Variants in PLAGL1 observed in about 807,000 individuals in gnomAD.
The protein encoded by PLAGL1 is zinc finger protein PLAGL1.
A neutral mutation model predicts 4.6 loss-of-function variants in PLAGL1; 1 was observed. The observed-to-expected ratio is 0.22, with a 90% confidence interval of 0.08 to 1.03. PLAGL1 has a LOEUF of 1.03. Among genes scored for constraint, PLAGL1 ranks in the 50% least tolerant of loss-of-function variants. PLAGL1 has a pLI of 0.58. For missense variants in PLAGL1, 464 were observed against 570.4 expected, an observed-to-expected ratio of 0.81 and a Z score of 1.90; for synonymous variants, 240 against 237.8, an observed-to-expected ratio of 1.01 and a Z score of -0.08.
rs1408327207 is a variant in PLAGL1 at position 144,048,014 on chromosome 6, G to A, written c.-151+16454C>T. 1.3e-5 allele frequency among the ~76,000 whole-genome samples: 2 copies of A among 152,204 alleles called. No homozygotes were observed. The highest frequency in any genetic ancestry group is 2.9e-5 in the Non-Finnish European group (2 of 68,026). ...ATAAATGCTCCCATTCCAAATGGGA[G>A]AAATTGGTCAAAACAAAAGGGCTAC... On this transcript the variant is annotated intron_variant, in intron 1 of 3. Transcript: ENST00000437412. This position sits in a 1 kb window ranked among gnomAD's most constrained non-coding sequence, Gnocchi z 4.8.
At chr6:144,035,512 G>T (rs1274090471) in intron 1 of PLAGL1, among the ~76,000 whole-genome samples, 1 of 152,210 alleles carries the variant, frequency 6.6e-6, no homozygotes, top group Non-Finnish European at 1.5e-5. Context: ...CTGATTAGAT[G>T]GTGCCCAACC....
At chr6:144,019,783 A>T (rs1411364331) in intron 1 of PLAGL1, among the ~76,000 whole-genome samples, 1 of 83,738 alleles carries the variant, frequency 1.2e-5, no homozygotes, top group Non-Finnish European at 2.3e-5. Context: ...ACCACAAAAA[A>T]GTTACTTAAA....
chr6:144,040,129 GACCTACAGGGA>G (rs927908106), intron 1 of PLAGL1, among the ~76,000 whole-genome samples: 20 of 152,168 alleles, frequency 1.3e-4, no homozygotes, highest in Non-Finnish European at 2.8e-4. Flanking sequence ...CTTAGGGAGG[GACCTACAGGGA>G]ACTCCAAAGT....
intron 1 of PLAGL1, among the ~76,000 whole-genome samples, chr6:143,993,171 G>C (rs1790857691): frequency 6.6e-6 from 1 of 151,858 alleles, no homozygotes; most frequent in Non-Finnish European, 1.5e-5. Context: ...GCTGGGTGTG[G>C]TGGGTGCCTG....
chr6:143,985,365 T>G lies in PLAGL1; in HGVS notation c.-583-191A>C. 6.6e-6 allele frequency among the ~76,000 whole-genome samples: 1 copy of G among 152,190 alleles called. No homozygotes were observed. Among genetic ancestry groups the G allele is most frequent in the East Asian group, 1.9e-4 (1 of 5,198 alleles). ...ATATGTTTATATTAATACCATCTAC[T>G]AGTCTATCGCGATTTCCCATTTAAT... On this transcript the variant is annotated intron_variant, in intron 1 of 7. Coordinates refer to ENST00000674357, the MANE Select transcript of PLAGL1 (RefSeq NM_001317162.2). This position sits in a 1 kb window ranked among gnomAD's most constrained non-coding sequence, Gnocchi z 4.4.
chr6:144,040,504 G>A (rs1797645510), intron 1 of PLAGL1, among the ~76,000 whole-genome samples: 1 of 152,022 alleles, frequency 6.6e-6, no homozygotes, highest in African/African-American at 2.4e-5. Flanking sequence ...ACTCTAGCCT[G>A]GGTGACAGAG....
rs564701676 is a variant in PLAGL1, at chr6:143,954,067, G to A, written c.-324-5607C>T. Among the ~76,000 whole-genome samples the A allele has an allele frequency of 8.5e-4, 129 of 152,268 alleles. No individual in the cohort carries two copies. The highest frequency in any genetic ancestry group is 6.8e-3 in the Middle Eastern group (2 of 294). ...CAGGAGGATGGAGGAGTCTTCCCTG[G>A]GAAGCTGACCAGCCCAAGAGAAAAG... On this transcript the variant is annotated intron_variant, in intron 6 of 7. Transcript: ENST00000674357. This position sits in a 1 kb window ranked among gnomAD's most constrained non-coding sequence, Gnocchi z 5.1.
upstream of PLAGL1, among the ~76,000 whole-genome samples, chr6:144,010,659 C>A (rs780757773): frequency 1.3e-5 from 2 of 152,124 alleles, no homozygotes; most frequent in Non-Finnish European, 2.9e-5. This position sits in a 1 kb window ranked among gnomAD's most constrained non-coding sequence, Gnocchi z 4.1. Context: ...CAATCCTAAG[C>A]AAAAAGAACA....
intron 1 of PLAGL1, among the ~76,000 whole-genome samples, chr6:144,041,437 G>A (rs1196852479): frequency 6.6e-6 from 1 of 152,014 alleles, no homozygotes; most frequent in African/African-American, 2.4e-5. Context: ...GCGGTGTTTG[G>A]TTTTTTGTCC....
At chr6:144,024,211 A>G (rs1006296898) in intron 1 of PLAGL1, among the ~76,000 whole-genome samples, 1 of 152,200 alleles carries the variant, frequency 6.6e-6, no homozygotes, top group African/African-American at 2.4e-5. Context: ...CTGATGGTGA[A>G]CACACCTGGT....
rs1788552300 is a variant in PLAGL1, at chr6:143,984,275, A to G, written c.-544+860T>C. ...TAAATTCTAAAGCAAAATTTCTCAA[A>G]CTTTTCTGTGGAGCACCAGTTCAAT... is the stretch of plus-strand genomic sequence containing the variant. On this transcript the variant is annotated intron_variant, in intron 2 of 7. Coordinates refer to ENST00000674357, the MANE Select transcript of PLAGL1 (RefSeq NM_001317162.2). The surrounding 1 kb of genome is among the most constrained non-coding windows in gnomAD (Gnocchi z 5.5). Among the ~76,000 whole-genome samples, 1 of 152,070 alleles carries G rather than the reference A, an allele frequency of 6.6e-6. No homozygotes were observed. Among genetic ancestry groups the G allele is most frequent in the Admixed American group, 6.6e-5 (1 of 15,256 alleles).
At position 143,941,302 on chromosome 6, in the gene PLAGL1, G is replaced by T; in HGVS notation, c.*122C>A. ...AGAATTCTCTTATCATCTCAAGCCA[G>T]TCATCACTGAATAAGCCATAGTCCC... On this transcript the variant is annotated 3_prime_UTR_variant, in exon 8 of 8. Coordinates refer to ENST00000674357, the MANE Select transcript of PLAGL1 (RefSeq NM_001317162.2). This position sits in a 1 kb window ranked among gnomAD's most constrained non-coding sequence, Gnocchi z 6.0. 1.5e-6 allele frequency: 1 copy of T among 684,540 alleles called. No homozygotes were observed. The highest frequency in any genetic ancestry group is 2.3e-6 in the Non-Finnish European group (1 of 428,076). 42.4% of individuals were successfully genotyped at this position (684,540 alleles called of 1,614,324 possible).
intron 1 of PLAGL1, among the ~76,000 whole-genome samples, chr6:144,040,567 T>A (rs1797653053): frequency 7.0e-6 from 1 of 143,178 alleles, no homozygotes; most frequent in East Asian, 2.1e-4. Context: ...AAACAATGTC[T>A]AAAAAAAAAT....
rs1239898995 is a variant in PLAGL1, at chr6:143,949,652, A to G, written c.-324-1192T>C. ...CTCACCTTTCAAGTGCCAATACTTA[A>G]AAAAATTAAGAGTACTGTATGCTTA... On this transcript the variant is annotated intron_variant, in intron 6 of 7. Coordinates refer to ENST00000674357, the MANE Select transcript of PLAGL1 (RefSeq NM_001317162.2). This position sits in a 1 kb window ranked among gnomAD's most constrained non-coding sequence, Gnocchi z 5.3. Among the ~76,000 whole-genome samples, 1 of 152,164 alleles carries G rather than the reference A, an allele frequency of 6.6e-6. No homozygotes were observed. Among genetic ancestry groups the G allele is most frequent in the African/African-American group, 2.4e-5 (1 of 41,438 alleles).
rs1469309140 is a variant in PLAGL1 at position 144,036,299 on chromosome 6, A to G, written c.-151+28169T>C. ...TAGGAAACACAAGCCTTATAACACA[A>G]TCCTGAGGAAATCAGCTGTGAAATA... On this transcript the variant is annotated intron_variant, in intron 1 of 3. Transcript: ENST00000437412. The surrounding 1 kb of genome is among the most constrained non-coding windows in gnomAD (Gnocchi z 5.1). 6.6e-6 allele frequency among the ~76,000 whole-genome samples: 1 copy of G among 152,142 alleles called. No homozygotes were observed. The highest frequency in any genetic ancestry group is 2.4e-5 in the African/African-American group (1 of 41,426).
In PLAGL1 at chr6:143,949,096, C is replaced by A. The variant is rs942455255; in HGVS notation, c.-324-636G>T. Among the ~76,000 whole-genome samples, 1 of 152,230 alleles carries A rather than the reference C, an allele frequency of 6.6e-6. No individual in the cohort carries two copies. The highest frequency in any genetic ancestry group is 2.1e-4 in the South Asian group (1 of 4,828). ...ATAGCTCAGGAACCAGCCCAGGCCA[C>A]GTTCAGATTTGTAGGCACCATCCTC... On this transcript the variant is annotated intron_variant, in intron 6 of 7. Transcript: ENST00000674357. This position sits in a 1 kb window ranked among gnomAD's most constrained non-coding sequence, Gnocchi z 5.3.
In PLAGL1 at chr6:143,947,846, T is replaced by G. The variant is rs1411399106; in HGVS notation, c.152+139A>C. ...ACATAAAACCACAGGAATCACTGGATGCAGATTTCAAGAATCCCTCAAAGG... is the reference window on the plus strand; with the variant it reads ...ACATAAAACCACAGGAATCACTGGAGGCAGATTTCAAGAATCCCTCAAAGG... On this transcript the variant is annotated intron_variant, in intron 7 of 7. Transcript: ENST00000674357. The surrounding 1 kb of genome is among the most constrained non-coding windows in gnomAD (Gnocchi z 4.3). 3 of 634,952 alleles carry G rather than the reference T, an allele frequency of 4.7e-6. No individual in the cohort carries two copies. Among genetic ancestry groups the G allele is most frequent in the Admixed American group, 5.8e-5 (2 of 34,382 alleles). The allele number at this position is 634,952 out of a possible 1,614,324, so 39.3% of individuals were successfully genotyped here.
At chr6:144,060,010 A>T (rs1373529384) in intron 1 of PLAGL1, among the ~76,000 whole-genome samples, 1 of 151,966 alleles carries the variant, frequency 6.6e-6, no homozygotes, top group Non-Finnish European at 1.5e-5. Flanking sequence ...CTCAAATTTT[A>T]TGAGAACCCT....
chr6:144,023,944 T>G (rs771731801), intron 1 of PLAGL1, among the ~76,000 whole-genome samples: 36 of 151,768 alleles, frequency 2.4e-4, no homozygotes, highest in Admixed American at 1.1e-3. Context: ...GCCTGGCTAA[T>G]TTTTGTATTT....
Sources: gnomAD v4.1 joint callset for allele counts (sites outside exome capture counted in the v4.1 genomes callset) on GRCh38, gnomAD v4.1.1 for gene constraint, Gnocchi (gnomAD v3.1) non-coding constraint, MANE v1.5 for transcripts, NCBI Gene and HGNC (gene_info 2026-07-23, HGNC 2026-07-21) for gene names.